Variants in ALDH16A1 observed in about 807,000 individuals in gnomAD.
ALDH16A1 encodes the protein aldehyde dehydrogenase 16 family member A1.
A neutral mutation model predicts 96.1 loss-of-function variants in ALDH16A1; 88 were observed. The ratio of observed to expected loss-of-function variants is 0.92; its 90% CI spans 0.77 to 1.09. ALDH16A1 has a LOEUF of 1.09. Among genes scored for constraint, ALDH16A1 ranks in the 50% least tolerant of loss-of-function variants. ALDH16A1 has a pLI of 0.00. For missense variants in ALDH16A1, 1,250 were observed against 1,112.6 expected (o/e 1.12, Z -1.76); for synonymous variants, 522 against 496.4 (o/e 1.05, Z -0.69).
intron 1 of ALDH16A1, among the ~76,000 whole-genome samples, chr19:49,455,063 AGCTG>A (rs1412238419): frequency 6.8e-6 from 1 of 146,634 alleles, no homozygotes; most frequent in African/African-American, 2.7e-5. Context: ...GGTTGCAGTA[AGCTG>A]AGATTGCACC....
Position 49,468,502 on chromosome 19 carries a change from A to G in ALDH16A1, c.2060A>G (p.Tyr687Cys), listed in dbSNP as rs781383366. The G allele has an allele frequency of 8.7e-6, 14 of 1,603,918 alleles. No homozygotes were observed. In the East Asian group the frequency reaches 2.9e-4, roughly 33 times the overall value. The change falls in exon 15 of 17, where the codon TAC becomes TGC. Residue 687 changes from tyrosine (Y) to cysteine (C), a missense_variant. Tyr to Cys is a radical substitution (Grantham distance 194). Transcript: ENST00000293350. This position sits in a 1 kb window ranked among gnomAD's most constrained non-coding sequence, Gnocchi z 4.4. ...TCCCTGCTGGCTCCCGCCCTGGCCT[A>G]CGGCAACACTGTGGTCATGGTGCCC... ...FVSLLAPALA[Y>C]GNTVVMVPSA...
At chr19:49,469,208 C>T in intron 16 of ALDH16A1, 1 of 520,604 alleles carries the variant, frequency 1.9e-6, no homozygotes, top group Non-Finnish European at 3.3e-6. Context: ...GACCTCGTCT[C>T]AGGGGACAGC....
In ALDH16A1 at chr19:49,464,641, G is replaced by A. The variant is rs151226186; in HGVS notation, c.1447G>A (p.Glu483Lys). The part of the protein sequence containing the change: ...SWHGGPDGLY[E>K]YLRPSGTPAR... ...ACCGTCCCTCTCACAGGGGCTGTAT[G>A]AGTATCTGCGGCCCTCAGGGACCCC... is the stretch of plus-strand genomic sequence containing the variant. Residue 483 changes from glutamate to lysine, a missense_variant, in exon 12 of 17, where the codon GAG becomes AAG. Physicochemically the swap from Glu to Lys is moderately conservative, Grantham distance 56. Coordinates refer to ENST00000293350, the MANE Select transcript of ALDH16A1 (RefSeq NM_153329.4). 1.9e-6 allele frequency: 3 copies of A among 1,614,002 alleles called. No homozygotes were observed. Among genetic ancestry groups the A allele is most frequent in the African/African-American group, 2.7e-5 (2 of 74,912 alleles).
At position 49,461,706 on chromosome 19, in the gene ALDH16A1, G is replaced by GT. The variant is rs1481735850; in HGVS notation, c.665_666insT (p.Ile223AsnfsTer96). On this transcript the variant is annotated frameshift_variant, in exon 6 of 17. Transcript: ENST00000293350. LOFTEE classifies it high-confidence loss of function. ...GCGGGGGAGCTGGGCCCCTTCCCGG[G>GT]AATCCTGAATGTCCTCAGTGGCCCT... 3.7e-6 allele frequency: 6 copies of GT among 1,609,756 alleles called. No homozygotes were observed. The highest frequency in any genetic ancestry group is 5.1e-6 in the Non-Finnish European group (6 of 1,178,162).
At chr19:49,469,227 A>G (rs1339213708) in intron 16 of ALDH16A1, 3 of 435,052 alleles carry the variant, frequency 6.9e-6, no homozygotes, top group African/African-American at 6.1e-5. Flanking sequence ...GCCCGTTGCT[A>G]AGGACCACAC....
At chr19:49,465,343 T>G (rs567201308) in intron 12 of ALDH16A1, among the ~76,000 whole-genome samples, 2 of 148,696 alleles carry the variant, frequency 1.3e-5, no homozygotes, top group Non-Finnish European at 3.0e-5. Context: ...CAGAGGCTCA[T>G]GGGAGTAGGA....
chr19:49,456,448 G>A (rs1050103173), intron 1 of ALDH16A1, among the ~76,000 whole-genome samples: 8 of 152,090 alleles, frequency 5.3e-5, no homozygotes, highest in Non-Finnish European at 1.2e-4. Flanking sequence ...ATTCAGTAGC[G>A]TTCATAGCTC....
chr19:49,464,396 A>G (rs772118363), intron 10 of ALDH16A1, 21 bp from the exon 11 acceptor site: 3 of 1,583,590 alleles, frequency 1.9e-6, no homozygotes, highest in African/African-American at 2.7e-5. Context: ...CCTCTGTTGG[A>G]CACCTTCATC....
chr19:49,470,516 A>T lies in ALDH16A1; in HGVS notation c.*49A>T. 6.9e-7 allele frequency: 1 copy of T among 1,456,792 alleles called. No individual in the cohort carries two copies. Among genetic ancestry groups the T allele is most frequent in the Non-Finnish European group, 9.1e-7 (1 of 1,104,234 alleles). 90.2% of individuals were successfully genotyped at this position (1,456,792 alleles called of 1,614,324 possible). A position where few individuals can be genotyped will look rare whatever the true frequency, so the allele number is the denominator to read the frequency against. ...TTTGGACACCTCACACCAAGGGGAG[A>T]TGCACCCCACAGACACCTGGGACTT... On this transcript the variant is annotated 3_prime_UTR_variant, in exon 17 of 17. Transcript: ENST00000293350.
intron 1 of ALDH16A1, among the ~76,000 whole-genome samples, chr19:49,454,271 C>T (rs539789468): frequency 6.6e-6 from 1 of 152,228 alleles, no homozygotes; most frequent in Non-Finnish European, 1.5e-5. Flanking sequence ...GATCCACCCA[C>T]CTCGACTTCC....
intron 10 of ALDH16A1, 41 bp downstream of exon 10, chr19:49,464,304 C>T (rs2079179355): frequency 1.3e-6 from 2 of 1,593,382 alleles, no homozygotes; most frequent in African/African-American, 1.3e-5. Flanking sequence ...TCTCCTCATT[C>T]TTCCATCTTC....
At chr19:49,467,062 G>A (rs765605100) in intron 14 of ALDH16A1, among the ~76,000 whole-genome samples, 4 of 152,112 alleles carry the variant, frequency 2.6e-5, no homozygotes, top group South Asian at 2.1e-4. Context: ...TCTGGCACCC[G>A]GCTGGAGTGC....
Position 49,468,006 on chromosome 19 carries a change from A to C in ALDH16A1, c.1939-375A>C, listed in dbSNP as rs1041220230. 2.6e-5 allele frequency among the ~76,000 whole-genome samples: 4 copies of C among 151,704 alleles called. No homozygotes were observed. Among genetic ancestry groups the C allele is most frequent in the African/African-American group, 9.7e-5 (4 of 41,280 alleles). ...CGTCTCTACTAAATATACAAAAAAA[A>C]AAAATTAGCCGGGCATGGTGGCAGG... On this transcript the variant is annotated intron_variant, in intron 14 of 16. Transcript: ENST00000293350. This position sits in a 1 kb window ranked among gnomAD's most constrained non-coding sequence, Gnocchi z 4.4.
chr19:49,462,479 C>T (rs2079158587), intron 7 of ALDH16A1, 91 bp from the exon 8 acceptor site: 3 of 1,431,544 alleles, frequency 2.1e-6, no homozygotes, highest in Non-Finnish European at 2.9e-6. Context: ...GTGTCCATGT[C>T]CCTAGTTTTC....
chr19:49,468,722 C>T lies in ALDH16A1; in HGVS notation c.2125-142C>T, dbSNP rs2079220619. On this transcript the variant is annotated intron_variant, in intron 15 of 16. Transcript: ENST00000293350. This position sits in a 1 kb window ranked among gnomAD's most constrained non-coding sequence, Gnocchi z 4.4. ...CCCAAACCTTCACTCCTTGGGGACC[C>T]AGTGCCCATTCTTCACCCTAGGCCT... The T allele has an allele frequency of 2.2e-6, 3 of 1,347,878 alleles. No homozygotes were observed. Among genetic ancestry groups the T allele is most frequent in the Non-Finnish European group, 3.0e-6 (3 of 987,334 alleles). The allele number at this position is 1,347,878 out of a possible 1,614,324, so 83.5% of individuals were successfully genotyped here.
In ALDH16A1 at chr19:49,461,195, G is replaced by A. The variant is rs186870811; in HGVS notation, c.577+296G>A. ...AGGAGGGGCTGGGGTCTGGATTCCT[G>A]GGTCTGAGGGAGGAGGGGCTGGGGT... On this transcript the variant is annotated intron_variant, in intron 5 of 16. Coordinates refer to ENST00000293350, the MANE Select transcript of ALDH16A1 (RefSeq NM_153329.4). Among the ~76,000 whole-genome samples, 506 of 64,038 alleles carry A rather than the reference G, an allele frequency of 7.9e-3. 41 individuals carry two copies. Among genetic ancestry groups the A allele is most frequent in the South Asian group, 0.013 (21 of 1,590 alleles). The allele number at this position is 64,038 out of a possible 152,430, so 42.0% of individuals were successfully genotyped here.
Position 49,464,692 on chromosome 19 carries a change from A to AAC in ALDH16A1, c.1499_1500dup (p.Leu501ThrfsTer2). 6.2e-7 allele frequency: 1 copy of AAC among 1,613,524 alleles called. No homozygotes were observed. Among genetic ancestry groups the AAC allele is most frequent in the South Asian group, 1.1e-5 (1 of 91,078 alleles). Reference sequence around the variant, plus strand: ...TGCCCGGCTGTCCTGCCTCTCCAAGAACCTGAACTATGACACCTTTGGCCT... The same window carrying AAC: ...TGCCCGGCTGTCCTGCCTCTCCAAGAACACCTGAACTATGACACCTTTGGCCT... On this transcript the variant is annotated frameshift_variant, in exon 12 of 17. Transcript: ENST00000293350. LOFTEE classifies it high-confidence loss of function.
At chr19:49,456,905 C>T (rs1003114154) in intron 1 of ALDH16A1, among the ~76,000 whole-genome samples, 3 of 151,350 alleles carry the variant, frequency 2.0e-5, no homozygotes, top group Non-Finnish European at 2.9e-5. Context: ...GCCAGGAGTT[C>T]GAGACCAGCC....
chr19:49,464,913 A>C (rs960585088), intron 12 of ALDH16A1, 151 bp downstream of exon 12: 243 of 1,202,140 alleles, frequency 2.0e-4, no homozygotes, highest in Admixed American at 9.7e-4. Flanking sequence ...CACTTTCCCT[A>C]CCCCAGGCCT....
Sources: gnomAD v4.1 joint callset for allele counts (sites outside exome capture counted in the v4.1 genomes callset) on GRCh38, gnomAD v4.1.1 for gene constraint, Gnocchi (gnomAD v3.1) non-coding constraint, MANE v1.5 for transcripts, NCBI Gene and HGNC (gene_info 2026-07-23, HGNC 2026-07-21) for gene names.